The following FOCAD variants were observed in gnomAD, a reference collection of about 807,000 sequenced individuals.
The protein encoded by FOCAD is focadhesin, also known as KIAA1797.
In FOCAD, 198 loss-of-function variants were observed where a neutral mutation model predicts 225.6. The ratio of observed to expected loss-of-function variants is 0.88; its 90% CI spans 0.78 to 0.99. The LOEUF (loss-of-function observed/expected upper bound fraction) is 0.99, where lower values mean the gene tolerates loss of function less well. Ranked by LOEUF, FOCAD falls within the 50% of genes least tolerant of loss-of-function variation. FOCAD has a pLI of 0.00. For missense variants in FOCAD, 2,713 were observed against 2,123.6 expected, an observed-to-expected ratio of 1.28 and a Z score of -5.46; for synonymous variants, 897 against 755.0, an observed-to-expected ratio of 1.19 and a Z score of -3.08.
chr9:20,961,117 C>G (rs1457416982), intron 35 of FOCAD, among the ~76,000 whole-genome samples: 1 of 151,714 alleles, frequency 6.6e-6, no homozygotes, highest in Non-Finnish European at 1.5e-5. Context: ...ATTAGGCGTT[C>G]TGCTGTAAGA....
At chr9:20,747,413 TG>T (rs1414190020) in intron 5 of FOCAD, among the ~76,000 whole-genome samples, 1 of 152,224 alleles carries the variant, frequency 6.6e-6, no homozygotes, top group African/African-American at 2.4e-5. Context: ...GAGTTAAGTC[TG>T]AAATATTTTA....
At chr9:20,866,888 C>CCTTTTTTT (rs1829315000) in intron 17 of FOCAD, 41 bp from the exon 18 acceptor site, 2 of 327,982 alleles carry the variant, frequency 6.1e-6, no homozygotes, top group African/African-American at 1.5e-4. Flanking sequence ...TGTTTGCTTG[C>CCTTTTTTT]TTTTTTTTTT....
intron 25 of FOCAD, among the ~76,000 whole-genome samples, chr9:20,924,601 C>T (rs552303851): frequency 6.6e-6 from 1 of 152,290 alleles, no homozygotes; most frequent in East Asian, 1.9e-4. Flanking sequence ...CAGTCTGTCT[C>T]TGTCCTCAAT....
intron 11 of FOCAD, among the ~76,000 whole-genome samples, chr9:20,797,557 G>A (rs1223929466): frequency 6.6e-6 from 1 of 151,944 alleles, no homozygotes; most frequent in Non-Finnish European, 1.5e-5. Flanking sequence ...GGATTCCTAG[G>A]TATTTTATTC....
rs1288060551 is a variant in FOCAD, at chr9:20,707,963, CTGGG to C, written c.-32-7358_-32-7355del. On this transcript the variant is annotated intron_variant, in intron 1 of 43. Coordinates refer to ENST00000338382, the MANE Select transcript of FOCAD (RefSeq NM_001375567.1). ...GAGGGTACATGGAAATACTTAGGGA[CTGGG>C]AAGCAGTAGATGAGAAGCTAAGCAG... 2.6e-5 allele frequency among the ~76,000 whole-genome samples: 4 copies of C among 152,116 alleles called. No homozygotes were observed. In the East Asian group the frequency reaches 7.7e-4, roughly 29 times the overall value.
chr9:20,678,750 T>C (rs1363242254), intron 2 of FOCAD, among the ~76,000 whole-genome samples: 2 of 152,212 alleles, frequency 1.3e-5, no homozygotes, highest in Non-Finnish European at 2.9e-5. Context: ...CAAACACAGC[T>C]TCTTTGTGTT....
At chr9:20,969,779 C>G (rs1453439966) in intron 35 of FOCAD, among the ~76,000 whole-genome samples, 1 of 150,736 alleles carries the variant, frequency 6.6e-6, no homozygotes, top group African/African-American at 2.4e-5. Flanking sequence ...TTACCTTTAC[C>G]AGAATTCTTT....
intron 15 of FOCAD, among the ~76,000 whole-genome samples, chr9:20,862,305 G>A (rs146381201): frequency 6.6e-6 from 1 of 152,138 alleles, no homozygotes; most frequent in East Asian, 1.9e-4. Context: ...GTCGGTGGGA[G>A]TGAGAGCTTG....
intron 28 of FOCAD, 152 bp from the exon 29 acceptor site, chr9:20,944,475 A>G: frequency 4.0e-6 from 3 of 742,040 alleles, no homozygotes; most frequent in Middle Eastern, 3.0e-4. Context: ...TGTACTTGTC[A>G]TGGATGATGG....
At chr9:20,677,074 G>A (rs1278898218) in intron 2 of FOCAD, among the ~76,000 whole-genome samples, 1 of 151,984 alleles carries the variant, frequency 6.6e-6, no homozygotes, top group Non-Finnish European at 1.5e-5. Flanking sequence ...GAGAGCCCAC[G>A]AATAAATCTA....
chr9:20,680,055 G>GT (rs1327746240), upstream of FOCAD, among the ~76,000 whole-genome samples: 3 of 152,180 alleles, frequency 2.0e-5, no homozygotes, highest in African/African-American at 7.2e-5. Context: ...TCTTTCCTAA[G>GT]TTATAGCTCA....
At chr9:20,681,264 C>T (rs1822390582), upstream of FOCAD, among the ~76,000 whole-genome samples, 3 of 152,036 alleles carry the variant, frequency 2.0e-5, no homozygotes, top group African/African-American at 7.2e-5. Context: ...CTTCTATTTT[C>T]TTTTTTTAAT....
In FOCAD at chr9:20,988,337, T is replaced by A; in HGVS notation, c.4912T>A (p.Leu1638Met). The A allele has an allele frequency of 6.2e-7, 1 of 1,602,252 alleles. No individual in the cohort carries two copies. The highest frequency in any genetic ancestry group is 8.5e-7 in the Non-Finnish European group (1 of 1,173,074). ...AAATACCCTTTTCATTTCAGGCGTTTTGAAGAGAATGGAGTGGCTCTTGGA... is the reference window on the plus strand; with the variant it reads ...AAATACCCTTTTCATTTCAGGCGTTATGAAGAGAATGGAGTGGCTCTTGGA... ...RIVSHANTGV[L>M]KRMEWLLELM... The change falls in exon 41 of 44, where the codon TTG becomes ATG. Residue 1638 changes from leucine to methionine, a missense_variant. Transcript: ENST00000338382.
chr9:20,990,449 G>T, intron 42 of FOCAD, 75 bp downstream of exon 42: 1 of 1,544,300 alleles, frequency 6.5e-7, no homozygotes, highest in Non-Finnish European at 8.8e-7. Flanking sequence ...TAGAATTGAG[G>T]TGGGAGTTAA....
chr9:20,715,756 G>A (rs1825280135), intron 2 of FOCAD, among the ~76,000 whole-genome samples: 2 of 150,910 alleles, frequency 1.3e-5, no homozygotes, highest in African/African-American at 4.9e-5. Context: ...AGAGTATGAG[G>A]GATTAATATT....
chr9:20,788,090 G>T (rs1409413877), intron 10 of FOCAD, among the ~76,000 whole-genome samples: 1 of 152,092 alleles, frequency 6.6e-6, no homozygotes, highest in Non-Finnish European at 1.5e-5. Context: ...ATTGATAGTG[G>T]ATAAACAATA....
chr9:20,903,074 C>T (rs1210599799), intron 21 of FOCAD, among the ~76,000 whole-genome samples: 1 of 151,858 alleles, frequency 6.6e-6, no homozygotes, highest in Non-Finnish European at 1.5e-5. Flanking sequence ...CTCCAACCAG[C>T]ACCACGGTCA....
At chr9:20,877,548 G>A (rs1268641680) in intron 19 of FOCAD, among the ~76,000 whole-genome samples, 2 of 152,152 alleles carry the variant, frequency 1.3e-5, no homozygotes, top group East Asian at 3.9e-4. Flanking sequence ...ATGAGCAGAT[G>A]AACTGTATTC....
At chr9:20,925,126 T>C (rs1406494188) in intron 25 of FOCAD, among the ~76,000 whole-genome samples, 1 of 152,186 alleles carries the variant, frequency 6.6e-6, no homozygotes, top group Non-Finnish European at 1.5e-5. Context: ...ATTAGTTAAT[T>C]ACCTTATGAA....
Sources: gnomAD v4.1 joint callset for allele counts (sites outside exome capture counted in the v4.1 genomes callset) on GRCh38, gnomAD v4.1.1 for gene constraint, MANE v1.5 for transcripts, NCBI Gene and HGNC (gene_info 2026-07-23, HGNC 2026-07-21) for gene names.